The following RUNDC3B variants were observed in gnomAD, a reference collection of about 807,000 sequenced individuals.
RUNDC3B encodes the protein RUN domain-containing protein 3B.
A neutral mutation model predicts 58.4 loss-of-function variants in RUNDC3B; 33 were observed. That is an observed-to-expected ratio of 0.56 (90% CI 0.43 to 0.75). The LOEUF is 0.75. Among genes scored for constraint, RUNDC3B ranks in the 30% least tolerant of loss-of-function variants. The probability of loss-of-function intolerance (pLI) is 0.00; values close to 1 mark genes in which losing one functional copy is unlikely to be tolerated. For missense variants in RUNDC3B, 501 were observed against 535.7 expected (o/e 0.94, Z 0.64); for synonymous variants, 193 against 195.2 (o/e 0.99, Z 0.10).
At chr7:87,723,027 A>C (rs1831000124) in intron 4 of RUNDC3B, among the ~76,000 whole-genome samples, 1 of 152,224 alleles carries the variant, frequency 6.6e-6, no homozygotes, top group Non-Finnish European at 1.5e-5. Context: ...GTTGTCAATG[A>C]TAATGTGAAT....
At chr7:87,690,948 G>A (rs534658271) in intron 2 of RUNDC3B, among the ~76,000 whole-genome samples, 1 of 151,760 alleles carries the variant, frequency 6.6e-6, no homozygotes, top group East Asian at 1.9e-4. Flanking sequence ...GAGAGAGAGA[G>A]AAAATAGAAT....
At chr7:87,663,056 A>G (rs1341490812) in intron 2 of RUNDC3B, among the ~76,000 whole-genome samples, 2 of 152,096 alleles carry the variant, frequency 1.3e-5, no homozygotes, top group African/African-American at 4.8e-5. Context: ...CTGTTGGCAT[A>G]TAGGAAAGCT....
At chr7:87,801,584 C>A (rs1297228852) in intron 8 of RUNDC3B, among the ~76,000 whole-genome samples, 3 of 151,788 alleles carry the variant, frequency 2.0e-5, no homozygotes, top group Non-Finnish European at 2.9e-5. Flanking sequence ...ATGGTGAAAC[C>A]CTGTCTCTAG....
intron 3 of RUNDC3B, among the ~76,000 whole-genome samples, chr7:87,705,524 A>G (rs1474378630): frequency 2.6e-5 from 4 of 152,236 alleles, no homozygotes; most frequent in Non-Finnish European, 5.9e-5. Flanking sequence ...AGACTTAAAC[A>G]TAGCCTAACA....
At chr7:87,789,889 G>C (rs190472457) in intron 8 of RUNDC3B, among the ~76,000 whole-genome samples, 1 of 152,318 alleles carries the variant, frequency 6.6e-6, no homozygotes, top group Admixed American at 6.5e-5. Flanking sequence ...AATTATTAAA[G>C]TTTTTGACTG....
chr7:87,737,485 G>A (rs764233349), intron 4 of RUNDC3B, among the ~76,000 whole-genome samples: 3 of 151,906 alleles, frequency 2.0e-5, no homozygotes, highest in Non-Finnish European at 4.4e-5. Context: ...TTAATTTTTC[G>A]AGACAGCTTC....
chr7:87,812,384 G>T (rs762074317), intron 9 of RUNDC3B, among the ~76,000 whole-genome samples: 1 of 152,098 alleles, frequency 6.6e-6, no homozygotes, highest in African/African-American at 2.4e-5. Flanking sequence ...CACAGCGGGC[G>T]GATCACTTGA....
Position 87,770,743 on chromosome 7 carries a change from A to G in RUNDC3B, c.792A>G (p.Glu264=). 1 of 1,603,218 alleles carries G rather than the reference A, an allele frequency of 6.2e-7. No individual in the cohort carries two copies. Among genetic ancestry groups the G allele is most frequent in the East Asian group, 2.2e-5 (1 of 44,728 alleles). ...AACAAAAGTATCAGCTTACCCTGGA[A>G]CAGAAGGTATTTTAAAATTATCAAA... The part of the protein sequence containing the change: ...RVKQKYQLTL[E]QKGYLEELLR... Residue 264 remains glutamate, a synonymous_variant, in exon 7 of 11, where the codon GAA becomes GAG. Transcript: ENST00000394654.
chr7:87,776,760 T>C (rs190957758), intron 7 of RUNDC3B, among the ~76,000 whole-genome samples: 1 of 152,014 alleles, frequency 6.6e-6, no homozygotes, highest in East Asian at 1.9e-4. Context: ...TTGAGAATTA[T>C]CAGAAAAAAA....
chr7:87,648,341 T>C, intron 1 of RUNDC3B, among the ~76,000 whole-genome samples: 1 of 152,006 alleles, frequency 6.6e-6, no homozygotes, highest in African/African-American at 2.4e-5. Context: ...CAAAGGAACT[T>C]AGTGGAGGCA....
chr7:87,755,115 C>T lies in RUNDC3B; in HGVS notation c.629+13536C>T, dbSNP rs754954932. Among the ~76,000 whole-genome samples the T allele has an allele frequency of 5.3e-5, 8 of 151,796 alleles. No homozygotes were observed. The South Asian group carries it at 6.3e-4, about 12-fold the overall frequency. The stretch of plus-strand genomic sequence containing the variant: ...TCGGCTCACTGCAACTTCTGCCTCC[C>T]GGGTTCAAGTGATTCTCCTGCCTCA... On this transcript the variant is annotated intron_variant, in intron 6 of 10. Coordinates refer to ENST00000394654, the MANE Select transcript of RUNDC3B (RefSeq NM_001134405.2).
intron 8 of RUNDC3B, among the ~76,000 whole-genome samples, chr7:87,781,285 C>G (rs1834905693): frequency 6.8e-6 from 1 of 147,080 alleles, no homozygotes; most frequent in Non-Finnish European, 1.5e-5. Context: ...TGACTCTCAG[C>G]TTGACCGTTA....
chr7:87,629,069 G>A lies in RUNDC3B; in HGVS notation c.122+124G>A, dbSNP rs1377366812. 5.4e-5 allele frequency: 52 copies of A among 967,612 alleles called. No individual in the cohort carries two copies. The East Asian group carries it at 1.6e-3, about 30-fold the overall frequency. 59.9% of individuals were successfully genotyped at this position (967,612 alleles called of 1,614,324 possible). A position where few individuals can be genotyped will look rare whatever the true frequency, so the allele number is the denominator to read the frequency against. Reference sequence around the variant, plus strand: ...CGCCCAGTGCCCCCGCCTATGTTGCGCCAGCCAAATCTGTGAGCGCGCAGC... The same window carrying A: ...CGCCCAGTGCCCCCGCCTATGTTGCACCAGCCAAATCTGTGAGCGCGCAGC... On this transcript the variant is annotated intron_variant, in intron 1 of 10. Transcript: ENST00000394654.
At chr7:87,644,716 G>A (rs1822806767) in intron 1 of RUNDC3B, among the ~76,000 whole-genome samples, 1 of 151,818 alleles carries the variant, frequency 6.6e-6, no homozygotes, top group Non-Finnish European at 1.5e-5. Context: ...GTTGTAAAGG[G>A]ATAGGAATAT....
intron 2 of RUNDC3B, among the ~76,000 whole-genome samples, chr7:87,697,586 T>C (rs1399521311): frequency 1.3e-5 from 2 of 152,238 alleles, no homozygotes; most frequent in Non-Finnish European, 2.9e-5. Flanking sequence ...ACTTTGCATC[T>C]CATTCCTACT....
At chr7:87,721,782 T>A (rs1830905509) in intron 4 of RUNDC3B, among the ~76,000 whole-genome samples, 2 of 151,956 alleles carry the variant, frequency 1.3e-5, no homozygotes, top group Admixed American at 6.6e-5. Context: ...TTTCTCTCTC[T>A]CTCTCTCTCT....
At chr7:87,636,851 A>T (rs1821826835) in intron 1 of RUNDC3B, among the ~76,000 whole-genome samples, 1 of 152,136 alleles carries the variant, frequency 6.6e-6, no homozygotes, top group African/African-American at 2.4e-5. Context: ...AGACTGGGTA[A>T]TTTATGAAGG....
At chr7:87,818,894 GA>G (rs972594507) in intron 10 of RUNDC3B, among the ~76,000 whole-genome samples, 30 of 152,086 alleles carry the variant, frequency 2.0e-4, no homozygotes, top group African/African-American at 7.2e-4. Flanking sequence ...TTTAAAGCCA[GA>G]AAAGCCATAC....
At chr7:87,638,110 T>C (rs1457670370) in intron 1 of RUNDC3B, among the ~76,000 whole-genome samples, 1 of 152,180 alleles carries the variant, frequency 6.6e-6, no homozygotes, top group Non-Finnish European at 1.5e-5. Flanking sequence ...TTTGTTGTTT[T>C]CATAGTGAAT....
Sources: gnomAD v4.1 joint callset for allele counts (sites outside exome capture counted in the v4.1 genomes callset) on GRCh38, gnomAD v4.1.1 for gene constraint, MANE v1.5 for transcripts, NCBI Gene and HGNC (gene_info 2026-07-23, HGNC 2026-07-21) for gene names.